XPNPEP1: variants seen among roughly 807,000 people sequenced by gnomAD.
The protein encoded by XPNPEP1 is X-prolyl aminopeptidase 1.
XPNPEP1 carries 39 observed loss-of-function variants against 92.4 expected under a neutral mutation model. That is an observed-to-expected ratio of 0.42 (90% CI 0.33 to 0.55). The LOEUF (loss-of-function observed/expected upper bound fraction) is 0.55. XPNPEP1 is among the 20% of genes least tolerant of loss of function. XPNPEP1 has a pLI of 0.08. For missense variants in XPNPEP1, 654 were observed against 856.1 expected (o/e 0.76, Z 2.95); for synonymous variants, 307 against 299.4 (o/e 1.03, Z -0.26).
rs111968967 is a variant in XPNPEP1, at chr10:109,873,015, G to A, written c.1452+352C>T. ...AAATAAGAATCTCAAAAAAAGAAGG[G>A]GGTGGCCTTCAAAATCAAATCTAGG... On this transcript the variant is annotated intron_variant, in intron 16 of 20. Coordinates refer to ENST00000502935, the MANE Select transcript of XPNPEP1 (RefSeq NM_020383.4). Among the ~76,000 whole-genome samples the A allele has an allele frequency of 1.5e-4, 23 of 152,236 alleles. 1 individual carries two copies. The highest frequency in any genetic ancestry group is 5.1e-4 in the African/African-American group (21 of 41,532).
chr10:109,880,794 C>A, intron 11 of XPNPEP1, 48 bp downstream of exon 11: 1 of 1,587,134 alleles, frequency 6.3e-7, no homozygotes, highest in South Asian at 1.1e-5. Flanking sequence ...GGAGCCGGGC[C>A]TTCTGACCAC....
At chr10:109,871,485 T>G (rs971794384) in intron 17 of XPNPEP1, among the ~76,000 whole-genome samples, 1 of 152,196 alleles carries the variant, frequency 6.6e-6, no homozygotes, top group Non-Finnish European at 1.5e-5. Flanking sequence ...CAACTTCCAC[T>G]CAGGCCCTGT....
chr10:109,893,251 G>A, intron 3 of XPNPEP1, 176 bp from the exon 4 acceptor site: 1 of 547,384 alleles, frequency 1.8e-6, no homozygotes. Context: ...CACTGCAGAA[G>A]ATTGAATTAA....
intron 3 of XPNPEP1, among the ~76,000 whole-genome samples, chr10:109,899,941 T>C (rs1849191548): frequency 1.3e-5 from 2 of 152,242 alleles, no homozygotes; most frequent in African/African-American, 4.8e-5. Flanking sequence ...ACTAGGATGG[T>C]ACATGAAAGT....
At chr10:109,891,425 A>C in intron 5 of XPNPEP1, 1 of 233,340 alleles carries the variant, frequency 4.3e-6, no homozygotes, top group Non-Finnish European at 8.2e-6. Flanking sequence ...AAATAGTAGA[A>C]GGCCCCCAGT....
chr10:109,897,701 T>G (rs1417582598), intron 3 of XPNPEP1, among the ~76,000 whole-genome samples: 1 of 151,590 alleles, frequency 6.6e-6, no homozygotes, highest in East Asian at 1.9e-4. Flanking sequence ...TCGCCTGGGC[T>G]GGAGTGCAGT....
intron 17 of XPNPEP1, among the ~76,000 whole-genome samples, chr10:109,871,330 C>T (rs987980043): frequency 3.3e-5 from 5 of 152,286 alleles, no homozygotes; most frequent in Non-Finnish European, 7.3e-5. Flanking sequence ...CAGCCCAGGT[C>T]TTGTCAATGC....
intron 2 of XPNPEP1, among the ~76,000 whole-genome samples, chr10:109,913,521 T>A (rs1449056690): frequency 6.6e-6 from 1 of 152,218 alleles, no homozygotes; most frequent in African/African-American, 2.4e-5. Flanking sequence ...CGCTAAGGGC[T>A]TTACATACAT....
At chr10:109,895,550 C>G (rs1318153831) in intron 3 of XPNPEP1, among the ~76,000 whole-genome samples, 1 of 152,246 alleles carries the variant, frequency 6.6e-6, no homozygotes, top group Non-Finnish European at 1.5e-5. Context: ...CTAAGCAAGG[C>G]TGGCCACAGC....
rs1589530013 is a variant in XPNPEP1, at chr10:109,864,924, G to A, written c.*260C>T. 2.2e-6 allele frequency: 1 copy of A among 462,836 alleles called. No homozygotes were observed. The allele number at this position is 462,836 out of a possible 1,614,324, so 28.7% of individuals were successfully genotyped here. On this transcript the variant is annotated 3_prime_UTR_variant, in exon 21 of 21. Transcript: ENST00000502935. Reference sequence around the variant, plus strand: ...AGTCGGGGCATCTTCCTTTCACCAAGTGTTCAACTTTGGAGGGACCCTCCT... The same window carrying A: ...AGTCGGGGCATCTTCCTTTCACCAAATGTTCAACTTTGGAGGGACCCTCCT...
chr10:109,886,229 G>A lies in XPNPEP1; in HGVS notation c.748+17C>T, dbSNP rs371376873. 1.5e-5 allele frequency: 24 copies of A among 1,613,284 alleles called. No homozygotes were observed. In the African/African-American group the frequency reaches 2.1e-4, roughly 14 times the overall value. On this transcript the variant is annotated intron_variant, in intron 8 of 20. Transcript: ENST00000502935. ...AGATCGGGTAACATGCCCAAACAGCGAAACCAGAGCACTCACACGCAATCT... is the reference window on the plus strand; with the variant it reads ...AGATCGGGTAACATGCCCAAACAGCAAAACCAGAGCACTCACACGCAATCT...
intron 12 of XPNPEP1, chr10:109,878,276 T>A (rs948905777): frequency 1.9e-6 from 1 of 538,028 alleles, no homozygotes; most frequent in Non-Finnish European, 3.3e-6. Flanking sequence ...TTCACTCAAC[T>A]ATTGTGCTTC....
Position 109,868,664 on chromosome 10 carries a change from C to G in XPNPEP1, c.1822G>C (p.Val608Leu). 6.2e-7 allele frequency: 1 copy of G among 1,613,900 alleles called. No individual in the cohort carries two copies. The highest frequency in any genetic ancestry group is 2.2e-5 in the East Asian group (1 of 44,860). ...GSLTFEPLTL[V>L]PIQTKMIDVD... ...TCTATCATTTTGGTCTGAATTGGAA[C>G]CAATGTTAGAGGTTCAAAGGTCAGG... The change falls in exon 20 of 21, where the codon GTT becomes CTT. Residue 608 changes from valine (V) to leucine (L), a missense_variant. By Grantham distance (32) the Val-to-Leu change is conservative. Coordinates refer to ENST00000502935, the MANE Select transcript of XPNPEP1 (RefSeq NM_020383.4).
At position 109,865,361 on chromosome 10, in the gene XPNPEP1, C is replaced by A. The variant is rs543947553; in HGVS notation, c.1873-49G>T. 2.5e-6 allele frequency: 4 copies of A among 1,611,306 alleles called. No individual in the cohort carries two copies. In the African/African-American group the frequency reaches 4.0e-5, roughly 16 times the overall value. ...ACGGTATTCACCACTACATCTTTAA[C>A]AACTGGCTACACAGGTCAACAGCAA... On this transcript the variant is annotated intron_variant, in intron 20 of 20. Transcript: ENST00000502935.
intron 1 of XPNPEP1, among the ~76,000 whole-genome samples, chr10:109,918,123 A>C (rs1384597972): frequency 6.6e-6 from 1 of 151,870 alleles, no homozygotes; most frequent in Non-Finnish European, 1.5e-5. Flanking sequence ...CAAAAAAAAA[A>C]ACAAAAAAAC....
intron 2 of XPNPEP1, among the ~76,000 whole-genome samples, chr10:109,908,032 C>T (rs1321200056): frequency 6.6e-6 from 1 of 152,184 alleles, no homozygotes; most frequent in Non-Finnish European, 1.5e-5. Flanking sequence ...CATTTGTGGC[C>T]AGAAAAGTTC....
At chr10:109,873,299 T>C (rs1284135292) in intron 16 of XPNPEP1, 68 bp downstream of exon 16, 7 of 1,589,198 alleles carry the variant, frequency 4.4e-6, no homozygotes, top group Non-Finnish European at 6.0e-6. Context: ...TACAATCCCT[T>C]TTCATAAAAG....
chr10:109,865,636 T>A (rs964248714), intron 20 of XPNPEP1, among the ~76,000 whole-genome samples: 1 of 152,150 alleles, frequency 6.6e-6, no homozygotes. Context: ...AGGTGGTAAG[T>A]GGGGGAATAG....
intron 1 of XPNPEP1, among the ~76,000 whole-genome samples, chr10:109,918,879 GGAAGGAAGGAAGGAAGGAA>G (rs2133581156): frequency 1.0e-5 from 1 of 97,832 alleles, no homozygotes; most frequent in African/African-American, 5.0e-5. Flanking sequence ...AAGGAAGGAA[GGAAGGAAGGAAGGAAGGAA>G]GGAAGGAAGG....
Sources: gnomAD v4.1 joint callset for allele counts (sites outside exome capture counted in the v4.1 genomes callset) on GRCh38, gnomAD v4.1.1 for gene constraint, MANE v1.5 for transcripts, NCBI Gene and HGNC (gene_info 2026-07-23, HGNC 2026-07-21) for gene names.